Variants in ARPP21 observed in about 807,000 individuals in gnomAD.
The protein encoded by ARPP21 is cAMP regulated phosphoprotein 21.
Under a neutral mutation model 113.2 loss-of-function variants are expected in ARPP21, and 69 were observed. That is an observed-to-expected ratio of 0.61 (90% CI 0.50 to 0.74). The LOEUF (loss-of-function observed/expected upper bound fraction) is 0.74. Among genes scored for constraint, ARPP21 ranks in the 30% least tolerant of loss-of-function variants. The pLI is 0.00. For missense variants in ARPP21, 1,070 were observed against 1,037.4 expected (o/e 1.03, Z -0.43); for synonymous variants, 368 against 375.5 (o/e 0.98, Z 0.23).
chr3:35,747,853 A>T (rs1223414048), intron 19 of ARPP21, among the ~76,000 whole-genome samples: 1 of 151,774 alleles, frequency 6.6e-6, no homozygotes, highest in East Asian at 1.9e-4. Flanking sequence ...TTGAGACTGC[A>T]GTGAGCCATG....
intron 10 of ARPP21, chr3:35,707,492 T>C (rs768661569): frequency 8.6e-6 from 4 of 462,528 alleles, no homozygotes; most frequent in South Asian, 6.2e-5. Context: ...GGATTATCAA[T>C]ACGGACCGAT....
At chr3:35,655,032 G>C (rs957783349) in intron 1 of ARPP21, among the ~76,000 whole-genome samples, 1 of 151,614 alleles carries the variant, frequency 6.6e-6, no homozygotes, top group Non-Finnish European at 1.5e-5. Context: ...GTAAATATAA[G>C]GATTTATTTT....
chr3:35,742,865 G>A (rs73059283), intron 18 of ARPP21, among the ~76,000 whole-genome samples: 24,221 of 152,080 alleles, frequency 0.16, 2,030 homozygotes, highest in Non-Finnish European at 0.18. Context: ...AAACTCAGAA[G>A]CCCAGAGATA....
chr3:35,666,484 C>A (rs1420037733), intron 1 of ARPP21, among the ~76,000 whole-genome samples: 1 of 152,086 alleles, frequency 6.6e-6, no homozygotes, highest in African/African-American at 2.4e-5. Context: ...TTTAATTAAT[C>A]TTGACATTCT....
At chr3:35,677,402 C>T (rs2077794075) in intron 1 of ARPP21, among the ~76,000 whole-genome samples, 1 of 151,862 alleles carries the variant, frequency 6.6e-6, no homozygotes, top group Non-Finnish European at 1.5e-5. Flanking sequence ...TCTTCCTCAT[C>T]TCCACAACCT....
At chr3:35,738,786 A>G (rs116463136) in intron 17 of ARPP21, among the ~76,000 whole-genome samples, 4,101 of 152,290 alleles carry the variant, frequency 0.027, 196 homozygotes, top group African/African-American at 0.09. Context: ...AAGGATGAAC[A>G]TTGCTCCTAA....
At chr3:35,664,030 T>C (rs1709026212) in intron 1 of ARPP21, among the ~76,000 whole-genome samples, 3 of 152,232 alleles carry the variant, frequency 2.0e-5, no homozygotes, top group Non-Finnish European at 2.9e-5. Context: ...TTCAGCCCAC[T>C]ATAAAGCGAA....
intron 19 of ARPP21, among the ~76,000 whole-genome samples, chr3:35,754,885 A>G (rs1013696305): frequency 2.6e-5 from 4 of 152,018 alleles, no homozygotes; most frequent in Non-Finnish European, 5.9e-5. Flanking sequence ...TTATAGCATT[A>G]TCTGTTTTCT....
intron 19 of ARPP21, among the ~76,000 whole-genome samples, chr3:35,747,359 T>TAA (rs34264524): frequency 0.029 from 3,192 of 108,786 alleles, 110 homozygotes; most frequent in African/African-American, 0.061. Flanking sequence ...AGACTCCATC[T>TAA]AAAAAAAAAA....
chr3:35,683,026 G>A, intron 4 of ARPP21, 137 bp downstream of exon 4: 1 of 760,494 alleles, frequency 1.3e-6, no homozygotes, highest in Non-Finnish European at 2.1e-6. Context: ...TACTGGTGCT[G>A]GCTGTTTTTG....
intron 1 of ARPP21, among the ~76,000 whole-genome samples, chr3:35,657,491 C>T (rs1705565190): frequency 6.6e-6 from 1 of 152,102 alleles, no homozygotes; most frequent in African/African-American, 2.4e-5. Context: ...AGCTAATACA[C>T]TTATAATGGC....
intron 9 of ARPP21, among the ~76,000 whole-genome samples, chr3:35,698,851 G>A (rs1010794164): frequency 9.9e-5 from 15 of 151,548 alleles, no homozygotes; most frequent in Middle Eastern, 3.2e-3. Context: ...AAGTTAGATG[G>A]TAAAAATATG....
intron 13 of ARPP21, 73 bp downstream of exon 13, chr3:35,717,430 T>A: frequency 1.1e-6 from 1 of 919,506 alleles, no homozygotes; most frequent in Non-Finnish European, 1.8e-6. Context: ...AATATTAGTG[T>A]ACTCGTGTAA....
chr3:35,654,224 T>G (rs1201075304), intron 1 of ARPP21, among the ~76,000 whole-genome samples: 1 of 152,082 alleles, frequency 6.6e-6, no homozygotes, highest in Non-Finnish European at 1.5e-5. Context: ...GAGTGAAGTT[T>G]AAAGGAAAAT....
chr3:35,650,873 A>G (rs564666408), intron 1 of ARPP21, among the ~76,000 whole-genome samples: 16 of 152,248 alleles, frequency 1.1e-4, no homozygotes, highest in Admixed American at 5.2e-4. Context: ...CTGAATCCAC[A>G]GTTTAAGGTA....
At chr3:35,715,321 T>C (rs2092226778) in intron 11 of ARPP21, 118 bp from the exon 12 acceptor site, 1 of 777,240 alleles carries the variant, frequency 1.3e-6, no homozygotes, top group Non-Finnish European at 2.2e-6. Flanking sequence ...CTTTTGTACC[T>C]ATTTTTCTTA....
chr3:35,722,804 G>A (rs188412261), intron 14 of ARPP21, among the ~76,000 whole-genome samples: 23 of 152,152 alleles, frequency 1.5e-4, no homozygotes, highest in Admixed American at 7.2e-4. Flanking sequence ...CCTCATGGTC[G>A]GCCATTTCTA....
At position 35,737,215 on chromosome 3, in the gene ARPP21, A is replaced by G; in HGVS notation, c.1497A>G (p.Ile499Met). The G allele has an allele frequency of 6.2e-7, 1 of 1,612,742 alleles. No individual in the cohort carries two copies. The highest frequency in any genetic ancestry group is 1.1e-5 in the South Asian group (1 of 90,720). ...PFVNPDGTPA[I>M]YNPPTSQQPL... The stretch of plus-strand genomic sequence containing the variant: ...TGAATCCCGATGGAACTCCTGCAAT[A>G]TACAACCCACCCACCAGTCAGCAGC... The change falls in exon 16 of 21, where the codon ATA (isoleucine) becomes ATG (methionine). Residue 499 changes from isoleucine to methionine, a missense_variant. By Grantham distance (10) the Ile-to-Met change is conservative. Transcript: ENST00000684406.
At chr3:35,763,213 C>A (rs1259935377) in intron 19 of ARPP21, among the ~76,000 whole-genome samples, 1 of 152,048 alleles carries the variant, frequency 6.6e-6, no homozygotes, top group African/African-American at 2.4e-5. Flanking sequence ...TCTTCAGGTG[C>A]GTTAAAACAC....
Sources: allele counts gnomAD v4.1 joint callset (sites outside exome capture counted in the v4.1 genomes callset), GRCh38; gene constraint gnomAD v4.1.1; transcripts MANE v1.5; gene names NCBI Gene and HGNC (gene_info 2026-07-23, HGNC 2026-07-21).